Variants in METTL16 observed in about 807,000 individuals in gnomAD.
METTL16 encodes methyltransferase 16, RNA N6-adenosine.
METTL16 carries 19 observed loss-of-function variants against 57.9 expected under a neutral mutation model. The ratio of observed to expected loss-of-function variants is 0.33; its 90% CI spans 0.23 to 0.48. The LOEUF is 0.48. Ranked by LOEUF, METTL16 falls within the 20% of genes least tolerant of loss-of-function variation. The probability of loss-of-function intolerance (pLI) is 0.99; values close to 1 mark genes in which losing one functional copy is unlikely to be tolerated. For synonymous variants in METTL16, 246 were observed against 255.6 expected (o/e 0.96, Z 0.36); for missense variants, 434 against 691.5 (o/e 0.63, Z 4.18).
intron 1 of METTL16, among the ~76,000 whole-genome samples, chr17:2,508,076 T>C (rs941084795): frequency 6.6e-6 from 1 of 151,368 alleles, no homozygotes; most frequent in East Asian, 1.9e-4. Flanking sequence ...TATTGTCCTG[T>C]GACCCTGCCA....
Position 2,434,340 on chromosome 17 carries a change from C to A in METTL16, c.888+3769G>T, listed in dbSNP as rs1254569630. Among the ~76,000 whole-genome samples the A allele has an allele frequency of 2.0e-5, 3 of 152,146 alleles. 1 individual carries two copies. The highest frequency in any genetic ancestry group is 7.2e-5 in the African/African-American group (3 of 41,426). ...AGCGATTCTCCTGCCTCAGTCTCCC[C>A]AGTAGCTGGGATTACAGGTGTGCAC... is the stretch of plus-strand genomic sequence containing the variant. On this transcript the variant is annotated intron_variant, in intron 8 of 9. Coordinates refer to ENST00000263092, the MANE Select transcript of METTL16 (RefSeq NM_024086.4).
chr17:2,447,312 C>T (rs376466845), intron 6 of METTL16, among the ~76,000 whole-genome samples: 2 of 143,826 alleles, frequency 1.4e-5, no homozygotes, highest in Admixed American at 6.7e-5. Flanking sequence ...CCCGGCCGCC[C>T]CGTCTGAGAA....
chr17:2,447,276 T>C (rs1450159123), intron 6 of METTL16, among the ~76,000 whole-genome samples: 6 of 137,760 alleles, frequency 4.4e-5, no homozygotes, highest in South Asian at 2.4e-4. Context: ...GCCGCAACCC[T>C]GTCTGGGAGG....
intron 8 of METTL16, among the ~76,000 whole-genome samples, chr17:2,426,047 A>G (rs1043893176): frequency 4.6e-5 from 7 of 151,470 alleles, no homozygotes; most frequent in Admixed American, 3.9e-4. Context: ...AAAAAAAAAA[A>G]GCCACAGGCT....
chr17:2,422,363 C>T (rs894966496), intron 8 of METTL16, among the ~76,000 whole-genome samples: 1 of 151,508 alleles, frequency 6.6e-6, no homozygotes, highest in Admixed American at 6.6e-5. Flanking sequence ...AAACCAATGC[C>T]ACCACTGTAT....
rs1053391164 is a variant in METTL16, at chr17:2,419,530, A to T, written c.*440T>A. ...CCCATCTTGAAGAGTGACCTAGAAC[A>T]GGGTACCAGGGCCTCCAGCTGGAGG... On this transcript the variant is annotated 3_prime_UTR_variant, in exon 10 of 10. Coordinates refer to ENST00000263092, the MANE Select transcript of METTL16 (RefSeq NM_024086.4). The T allele has an allele frequency of 1.1e-5, 5 of 442,678 alleles. No homozygotes were observed. The highest frequency in any genetic ancestry group is 5.0e-5 in the Admixed American group (2 of 40,346). 27.4% of individuals were successfully genotyped at this position (442,678 alleles called of 1,614,324 possible). A position where few individuals can be genotyped will look rare whatever the true frequency, so the allele number is the denominator to read the frequency against.
At chr17:2,427,952 C>CAAAA (rs36089320) in intron 8 of METTL16, among the ~76,000 whole-genome samples, 1 of 127,266 alleles carries the variant, frequency 7.9e-6, no homozygotes, top group Non-Finnish European at 1.6e-5. Flanking sequence ...CATCTTTACC[C>CAAAA]AAAAAAAAAA....
chr17:2,416,522 G>A lies in METTL16; in HGVS notation c.*3448C>T, dbSNP rs1442415240. 6.6e-6 allele frequency: 1 copy of A among 152,282 alleles called. No homozygotes were observed. Among genetic ancestry groups the A allele is most frequent in the Non-Finnish European group, 1.5e-5 (1 of 68,068 alleles). The allele number at this position is 152,282 out of a possible 1,614,324, so 9.4% of individuals were successfully genotyped here. On this transcript the variant is annotated 3_prime_UTR_variant, in exon 10 of 10. Transcript: ENST00000263092. ...AAGGGTACTGCCAAAACGCGGCCCT[G>A]CCCAGGACACACAGCAGAGGTCTGG... is the stretch of plus-strand genomic sequence containing the variant.
intron 8 of METTL16, among the ~76,000 whole-genome samples, chr17:2,430,033 C>T (rs562739889): frequency 0.06 from 8,884 of 148,742 alleles, 487 homozygotes; most frequent in Non-Finnish European, 0.094. Context: ...AGGCTAGTCT[C>T]AAACTCCTAA....
rs1213679381 is a variant in METTL16 at position 2,418,595 on chromosome 17, C to G, written c.*1375G>C. On this transcript the variant is annotated 3_prime_UTR_variant, in exon 10 of 10. Coordinates refer to ENST00000263092, the MANE Select transcript of METTL16 (RefSeq NM_024086.4). The stretch of plus-strand genomic sequence containing the variant: ...ACAAGAGTAAAACTCCACCTCATAA[C>G]AAACAATCAATCAAAAAGCCACTGG... The G allele has an allele frequency of 6.6e-6, 1 of 152,272 alleles. No individual in the cohort carries two copies. Among genetic ancestry groups the G allele is most frequent in the African/African-American group, 2.4e-5 (1 of 41,462 alleles). The allele number at this position is 152,272 out of a possible 1,614,324, so 9.4% of individuals were successfully genotyped here.
At chr17:2,443,477 A>G (rs1164544681) in intron 6 of METTL16, among the ~76,000 whole-genome samples, 1 of 148,434 alleles carries the variant, frequency 6.7e-6, no homozygotes, top group Non-Finnish European at 1.5e-5. Context: ...ACATCAACAA[A>G]TCATATCATT....
At chr17:2,428,616 G>T (rs1171348624) in intron 8 of METTL16, among the ~76,000 whole-genome samples, 1 of 121,400 alleles carries the variant, frequency 8.2e-6, no homozygotes, top group Non-Finnish European at 1.6e-5. Flanking sequence ...TTGTAATACA[G>T]CGGGGCACAG....
chr17:2,496,724 A>C (rs1368955358), intron 2 of METTL16, among the ~76,000 whole-genome samples: 1 of 151,532 alleles, frequency 6.6e-6, no homozygotes, highest in Non-Finnish European at 1.5e-5. Context: ...CCCCAATGCC[A>C]ACAGTGTTAG....
At chr17:2,467,184 A>G (rs2067205090) in intron 5 of METTL16, among the ~76,000 whole-genome samples, 2 of 152,074 alleles carry the variant, frequency 1.3e-5, no homozygotes, top group Admixed American at 6.6e-5. Context: ...CAGAGAGCCG[A>G]AAGTACTTCA....
chr17:2,420,864 T>G lies in METTL16; in HGVS notation c.929A>C (p.Lys310Thr). The change falls in exon 9 of 10, where the codon AAA becomes ACA. Residue 310 changes from lysine (K) to threonine (T), a missense_variant. Physicochemically the swap from Lys to Thr is moderately conservative, Grantham distance 78. Transcript: ENST00000263092. The surrounding 1 kb of genome is among the most constrained non-coding windows in gnomAD (Gnocchi z 5.4). ...SKRRKLEKPR[K>T]PITFVVLASV... ...CGCCAGCACCACGAATGTTATGGGT[T>G]TTCTCGGTTTCTCTAATTTTCTTCG... 1 of 1,614,020 alleles carries G rather than the reference T, an allele frequency of 6.2e-7. No individual in the cohort carries two copies. Among genetic ancestry groups the G allele is most frequent in the Non-Finnish European group, 8.5e-7 (1 of 1,179,980 alleles).
chr17:2,499,764 A>AT (rs1422501892), intron 2 of METTL16, among the ~76,000 whole-genome samples: 1 of 151,738 alleles, frequency 6.6e-6, no homozygotes, highest in Non-Finnish European at 1.5e-5. Flanking sequence ...AATTTATTCT[A>AT]TTTTTTTGAG....
rs550349498 is a variant in METTL16 at position 2,493,305 on chromosome 17, A to G, written c.128+8899T>C. Among the ~76,000 whole-genome samples the G allele has an allele frequency of 2.4e-3, 361 of 151,388 alleles. 1 individual carries two copies. Among genetic ancestry groups the G allele is most frequent in the African/African-American group, 6.5e-3 (268 of 41,386 alleles). ...GGGGTTTCACTGTGTTAGCCAGGAT[A>G]GTCTTGATCTCCTGACCTCATGATC... On this transcript the variant is annotated intron_variant, in intron 2 of 9. Transcript: ENST00000263092.
intron 2 of METTL16, among the ~76,000 whole-genome samples, chr17:2,494,643 C>T (rs1344337415): frequency 6.6e-6 from 1 of 151,900 alleles, no homozygotes; most frequent in Non-Finnish European, 1.5e-5. Context: ...GAATTTGAGG[C>T]TACAATGAGC....
In METTL16 at chr17:2,455,455, T is replaced by C. The variant is rs948240574; in HGVS notation, c.728+8753A>G. ...TTGTTGATTTTAAGAATTCTCTTCT[T>C]TCACCAGCTAACGCAGAACCAAGCA... On this transcript the variant is annotated intron_variant, in intron 6 of 9. Transcript: ENST00000263092. Among the ~76,000 whole-genome samples, 17 of 152,122 alleles carry C rather than the reference T, an allele frequency of 1.1e-4. No individual in the cohort carries two copies. In the East Asian group the frequency reaches 1.9e-3, roughly 17 times the overall value.
Sources: allele counts gnomAD v4.1 joint callset (sites outside exome capture counted in the v4.1 genomes callset), GRCh38; gene constraint gnomAD v4.1.1; non-coding constraint Gnocchi (gnomAD v3.1); transcripts MANE v1.5; gene names NCBI Gene and HGNC (gene_info 2026-07-23, HGNC 2026-07-21).